The following MDN1 variants were observed in gnomAD, a reference collection of about 807,000 sequenced individuals.
MDN1 encodes the protein midasin.
A neutral mutation model predicts 669.2 loss-of-function variants in MDN1; 266 were observed. The ratio of observed to expected loss-of-function variants is 0.40; its 90% CI spans 0.36 to 0.44. MDN1 has a LOEUF of 0.44. Ranked by LOEUF, MDN1 falls within the 20% of genes least tolerant of loss-of-function variation. MDN1 has a pLI of 1.00. For synonymous variants in MDN1, 2,385 were observed against 2,457.1 expected (o/e 0.97, Z 0.87); for missense variants, 5,940 against 6,754.0 (o/e 0.88, Z 4.22).
In MDN1 at chr6:89,761,899, C is replaced by G. The variant is rs1817567980; in HGVS notation, c.2357-151G>C. 6.6e-6 allele frequency: 4 copies of G among 604,262 alleles called. No homozygotes were observed. The East Asian group carries it at 1.1e-4, about 17-fold the overall frequency. 37.4% of individuals were successfully genotyped at this position (604,262 alleles called of 1,614,324 possible). On this transcript the variant is annotated intron_variant, in intron 16 of 101. Coordinates refer to ENST00000369393, the MANE Select transcript of MDN1 (RefSeq NM_014611.3). ...AACTTGTATAATGCTAACAAAATGC[C>G]AGACATGACACTAATTAGCCCACAT...
In MDN1 at chr6:89,757,724, A is replaced by G. The variant is rs113815960; in HGVS notation, c.2702+531T>C. ...CCAGTGAGAGACCAGCCTAGGCAACATGGCGAAATCCCACGTCTGCTAAAA... is the reference window on the plus strand; with the variant it reads ...CCAGTGAGAGACCAGCCTAGGCAACGTGGCGAAATCCCACGTCTGCTAAAA... On this transcript the variant is annotated intron_variant, in intron 19 of 101. Coordinates refer to ENST00000369393, the MANE Select transcript of MDN1 (RefSeq NM_014611.3). Among the ~76,000 whole-genome samples the G allele has an allele frequency of 8.0e-3, 1,220 of 152,224 alleles. 19 individuals carry two copies. Among genetic ancestry groups the G allele is most frequent in the African/African-American group, 0.028 (1,164 of 41,534 alleles).
chr6:89,779,734 G>C (rs2128324214), intron 11 of MDN1, among the ~76,000 whole-genome samples: 1 of 152,202 alleles, frequency 6.6e-6, no homozygotes, highest in African/African-American at 2.4e-5. Context: ...CATTCAATTA[G>C]CTTTAATGCC....
chr6:89,712,572 G>T lies in MDN1; in HGVS notation c.7430+3C>A. Reference sequence around the variant, plus strand: ...AGAGACACAAGCTGAAGGCTCCACTGACCTTGTCCAGCTGCTGGTTTTCAT... The same window carrying T: ...AGAGACACAAGCTGAAGGCTCCACTTACCTTGTCCAGCTGCTGGTTTTCAT... On this transcript the variant is annotated splice_donor_region_variant and intron_variant, in intron 48 of 101. Coordinates refer to ENST00000369393, the MANE Select transcript of MDN1 (RefSeq NM_014611.3). The T allele has an allele frequency of 6.2e-7, 1 of 1,613,164 alleles. No homozygotes were observed. The highest frequency in any genetic ancestry group is 1.1e-5 in the South Asian group (1 of 91,012).
chr6:89,763,019 C>T (rs1237414896), intron 15 of MDN1, among the ~76,000 whole-genome samples: 1 of 152,086 alleles, frequency 6.6e-6, no homozygotes, highest in Non-Finnish European at 1.5e-5. Flanking sequence ...GCCACTGCCA[C>T]TCTAGCGTGG....
chr6:89,709,480 T>C (rs1177537906), intron 50 of MDN1, among the ~76,000 whole-genome samples: 1 of 152,220 alleles, frequency 6.6e-6, no homozygotes, highest in Non-Finnish European at 1.5e-5. Flanking sequence ...TGTAGAACTG[T>C]GTTTGTAAAA....
chr6:89,646,224 C>T (rs1206605706), intron 100 of MDN1, among the ~76,000 whole-genome samples: 1 of 152,164 alleles, frequency 6.6e-6, no homozygotes, highest in Non-Finnish European at 1.5e-5. Flanking sequence ...CTGTGGTATT[C>T]AAGGGTTAAT....
chr6:89,706,177 T>C lies in MDN1; in HGVS notation c.8030A>G (p.His2677Arg). The C allele has an allele frequency of 6.2e-7, 1 of 1,612,530 alleles. No homozygotes were observed. The highest frequency in any genetic ancestry group is 8.5e-7 in the Non-Finnish European group (1 of 1,179,184). The change falls in exon 53 of 102, where the codon CAC becomes CGC. Residue 2677 changes from histidine (H) to arginine (R), a missense_variant. Around this residue, in one of 5 missense-constraint regions of MDN1, gnomAD observed 2,292 missense variants for 2,638.3 expected, o/e 0.87. Coordinates refer to ENST00000369393, the MANE Select transcript of MDN1 (RefSeq NM_014611.3). ...FEFHQDPESYHTLPHEIVVNL... is the reference protein window; with the variant it reads ...FEFHQDPESYRTLPHEIVVNL... ...GACCACAATTTCATGGGGCAGAGTG[T>C]GATAGCTTTCTGGATCTGAGAGTCA... is the stretch of plus-strand genomic sequence containing the variant.
At position 89,760,584 on chromosome 6, in the gene MDN1, C is replaced by T. The variant is rs1013566972; in HGVS notation, c.2460+1061G>A. Among the ~76,000 whole-genome samples, 6 of 152,068 alleles carry T rather than the reference C, an allele frequency of 3.9e-5. No homozygotes were observed. The South Asian group carries it at 1.0e-3, about 26-fold the overall frequency. Reference sequence around the variant, plus strand: ...AAGATATAGAATCAACCTATGTCTCCATCAACAGATGAATAAAGAAAATGT... The same window carrying T: ...AAGATATAGAATCAACCTATGTCTCTATCAACAGATGAATAAAGAAAATGT... On this transcript the variant is annotated intron_variant, in intron 17 of 101. Coordinates refer to ENST00000369393, the MANE Select transcript of MDN1 (RefSeq NM_014611.3).
chr6:89,693,503 C>T (rs1812518439), intron 62 of MDN1, among the ~76,000 whole-genome samples: 1 of 152,156 alleles, frequency 6.6e-6, no homozygotes, highest in African/African-American at 2.4e-5. Flanking sequence ...AGGAGTAGGA[C>T]TGGAACTCAG....
intron 86 of MDN1, 91 bp from the exon 87 acceptor site, chr6:89,662,330 C>A: frequency 7.6e-7 from 1 of 1,307,820 alleles, no homozygotes; most frequent in East Asian, 2.5e-5. Context: ...ATAATTTCTG[C>A]CTATTGGACC....
intron 39 of MDN1, 144 bp downstream of exon 39, chr6:89,723,368 T>G: frequency 1.5e-6 from 1 of 666,386 alleles, no homozygotes. Context: ...CACTACATAG[T>G]GTCCCTTCCA....
chr6:89,800,294 G>C (rs2128328517), intron 2 of MDN1, among the ~76,000 whole-genome samples: 1 of 152,158 alleles, frequency 6.6e-6, no homozygotes, highest in East Asian at 1.9e-4. Flanking sequence ...AGGCATGGTG[G>C]CACATGCCTG....
chr6:89,655,059 T>G (rs532110033), intron 92 of MDN1, among the ~76,000 whole-genome samples: 1 of 152,038 alleles, frequency 6.6e-6, no homozygotes, highest in Non-Finnish European at 1.5e-5. Flanking sequence ...CTCAGAAAAG[T>G]TTTTTGGCAC....
intron 15 of MDN1, among the ~76,000 whole-genome samples, chr6:89,771,202 C>T (rs551330050): frequency 2.3e-4 from 35 of 152,288 alleles, no homozygotes; most frequent in Non-Finnish European, 4.3e-4. Context: ...GATCCTTTGC[C>T]TTAGCTTCAT....
chr6:89,751,759 T>C (rs1217368482), intron 22 of MDN1, among the ~76,000 whole-genome samples, 177 bp from the exon 23 acceptor site: 1 of 152,220 alleles, frequency 6.6e-6, no homozygotes, highest in African/African-American at 2.4e-5. Context: ...AATGGTGTTA[T>C]ATATTGGTTT....
intron 2 of MDN1, chr6:89,797,611 T>G: frequency 2.3e-6 from 1 of 437,634 alleles, no homozygotes; most frequent in East Asian, 7.0e-5. Flanking sequence ...GCCATGGGAT[T>G]CGTAGGCCAT....
chr6:89,650,671 G>A, intron 96 of MDN1, 61 bp downstream of exon 96: 2 of 1,325,012 alleles, frequency 1.5e-6, no homozygotes, highest in Non-Finnish European at 2.1e-6. Context: ...GCGTTCAACA[G>A]AATCAATGAA....
In MDN1 at chr6:89,677,666, G is replaced by A. The variant is rs755993659; in HGVS notation, c.12443C>T (p.Ala4148Val). 1.9e-6 allele frequency: 3 copies of A among 1,613,992 alleles called. No individual in the cohort carries two copies. The highest frequency in any genetic ancestry group is 2.2e-5 in the East Asian group (1 of 44,892). ...CATCTCTTGAGGGTTTTTTGAACGG[G>A]CCCAAGCAAGACCTTTGCGATACGA... ...GLSYRKGLAW[A>V]RSKNPQEMLH... The change falls in exon 76 of 102, where the codon GCC (alanine) becomes GTC (valine). Residue 4148 changes from alanine (A) to valine (V), a missense_variant. Physicochemically the swap from Ala to Val is moderately conservative, Grantham distance 64. This residue lies in a region of MDN1 where 2,280 missense variants were observed against 2,576.3 expected (regional missense o/e 0.88). Coordinates refer to ENST00000369393, the MANE Select transcript of MDN1 (RefSeq NM_014611.3).
chr6:89,702,092 A>G, intron 53 of MDN1, 31 bp from the exon 54 acceptor site: 1 of 1,558,842 alleles, frequency 6.4e-7, no homozygotes. Flanking sequence ...ATAAGATGGC[A>G]TGAAGAAAGA....
Sources: allele counts gnomAD v4.1 joint callset (sites outside exome capture counted in the v4.1 genomes callset), GRCh38; gene constraint gnomAD v4.1.1; regional missense constraint gnomAD v4.1.1; transcripts MANE v1.5; gene names NCBI Gene and HGNC (gene_info 2026-07-23, HGNC 2026-07-21).